NUB1: variants seen among roughly 807,000 people sequenced by gnomAD.
The protein encoded by NUB1 is negative regulator of ubiquitin like proteins 1, also known as NEDD8 ultimate buster 1.
In NUB1, 41 loss-of-function variants were observed where a neutral mutation model predicts 77.1. The observed-to-expected ratio is 0.53, with a 90% CI of 0.41 to 0.69. The LOEUF is 0.69. NUB1 is among the 30% of genes least tolerant of loss of function. The pLI, the probability that NUB1 is intolerant of heterozygous loss-of-function variation, is 0.00. For synonymous variants in NUB1, 257 were observed against 281.0 expected, an observed-to-expected ratio of 0.91 and a Z score of 0.85; for missense variants, 643 against 743.8, an observed-to-expected ratio of 0.86 and a Z score of 1.58.
rs1032818681 is a variant in NUB1, at chr7:151,342,046, G to C, written c.-3+200G>C. ...GGCCGGGCTTCGGGACGCGCTGGCC[G>C]TTCGGGGCCCTTTGGTTTGCCCTGA... On this transcript the variant is annotated intron_variant, in intron 1 of 14. Transcript: ENST00000568733. The C allele has an allele frequency of 5.1e-6, 5 of 988,054 alleles. No homozygotes were observed. The Admixed American group carries it at 1.3e-4, about 26-fold the overall frequency. The allele number at this position is 988,054 out of a possible 1,614,324, so 61.2% of individuals were successfully genotyped here.
chr7:151,360,848 A>G (rs7798855), intron 8 of NUB1: 120,413 of 150,926 alleles, frequency 0.8, 48,163 homozygotes, highest in East Asian at 0.99. Context: ...TGTTGCCCAT[A>G]CTAGTCTCAA....
chr7:151,370,664 G>A (rs543546687), intron 11 of NUB1, among the ~76,000 whole-genome samples: 129 of 151,344 alleles, frequency 8.5e-4, no homozygotes, highest in African/African-American at 3.1e-3. Flanking sequence ...TTTAGCATTA[G>A]GTATATCTCC....
At chr7:151,357,105 C>T (rs571531495) in intron 7 of NUB1, among the ~76,000 whole-genome samples, 1 of 152,192 alleles carries the variant, frequency 6.6e-6, no homozygotes, top group African/African-American at 2.4e-5. Context: ...CAGCCTTAAC[C>T]TCCTGGGCTT....
intron 11 of NUB1, among the ~76,000 whole-genome samples, chr7:151,370,534 CTTTAA>C (rs747731158): frequency 6.6e-6 from 1 of 151,486 alleles, no homozygotes; most frequent in Admixed American, 6.6e-5. Context: ...TTATTTTTTC[CTTTAA>C]TTTTATTTTA....
rs951608965 is a variant in NUB1 at position 151,344,890 on chromosome 7, G to C, written c.-2-458G>C. Among the ~76,000 whole-genome samples the C allele has an allele frequency of 7.9e-5, 12 of 151,632 alleles. No individual in the cohort carries two copies. The East Asian group carries it at 1.8e-3, about 22-fold the overall frequency. On this transcript the variant is annotated intron_variant, in intron 1 of 14. Coordinates refer to ENST00000568733, the MANE Select transcript of NUB1 (RefSeq NM_001243351.2). ...TGGCGCATGCCTGTAATCCCAGTGA[G>C]TAGGGAGGCTGATGCAGGGGAATTG...
chr7:151,359,452 AAAAG>A (rs1468371147), intron 7 of NUB1, among the ~76,000 whole-genome samples: 1 of 145,958 alleles, frequency 6.9e-6, no homozygotes, highest in Non-Finnish European at 1.5e-5. Flanking sequence ...CAAAAAAAAA[AAAAG>A]AATAGAAAGT....
intron 8 of NUB1, among the ~76,000 whole-genome samples, chr7:151,366,307 A>G (rs1797679000): frequency 6.6e-6 from 1 of 152,022 alleles, no homozygotes; most frequent in Admixed American, 6.6e-5. Context: ...TTTTTCCCCC[A>G]GCTTGAATAT....
intron 11 of NUB1, among the ~76,000 whole-genome samples, chr7:151,369,541 G>A (rs1797864807): frequency 6.6e-6 from 1 of 152,172 alleles, no homozygotes; most frequent in South Asian, 2.1e-4. Flanking sequence ...ATTATATTAT[G>A]AAAGCACAGG....
intron 1 of NUB1, among the ~76,000 whole-genome samples, chr7:151,342,527 G>C (rs1584927859): frequency 6.6e-6 from 1 of 152,098 alleles, no homozygotes; most frequent in East Asian, 1.9e-4. Context: ...AATGAGTTTC[G>C]TCTTTTCTTA....
chr7:151,354,414 A>C (rs1264695380), intron 5 of NUB1, among the ~76,000 whole-genome samples: 6 of 152,016 alleles, frequency 3.9e-5, no homozygotes, highest in Non-Finnish European at 7.4e-5. Context: ...TTCTCAAAAG[A>C]AAAAAATCCA....
chr7:151,367,434 T>C (rs1306137871), intron 9 of NUB1, among the ~76,000 whole-genome samples: 2 of 152,178 alleles, frequency 1.3e-5, no homozygotes, highest in African/African-American at 4.8e-5. Flanking sequence ...ATTTGCAAGA[T>C]GTAAATGCAG....
At chr7:151,351,999 T>C (rs574196055) in intron 4 of NUB1, 14 of 430,236 alleles carry the variant, frequency 3.3e-5, no homozygotes, top group South Asian at 2.1e-4. Flanking sequence ...TCTCCTTGTA[T>C]GTTTTAAAAT....
At chr7:151,355,410 G>C (rs1563015886) in intron 5 of NUB1, among the ~76,000 whole-genome samples, 1 of 152,222 alleles carries the variant, frequency 6.6e-6, no homozygotes, top group Non-Finnish European at 1.5e-5. Flanking sequence ...AGCAAGGCCT[G>C]ATGTCTGTAA....
chr7:151,360,267 G>C lies in NUB1; in HGVS notation c.800+20G>C. 7.4e-7 allele frequency: 1 copy of C among 1,342,944 alleles called. No individual in the cohort carries two copies. Among genetic ancestry groups the C allele is most frequent in the Non-Finnish European group, 1.1e-6 (1 of 934,638 alleles). 83.2% of individuals were successfully genotyped at this position (1,342,944 alleles called of 1,614,324 possible). ...TTTCTGGTAGGCGCTTTTGTACTTG[G>C]TGAACACCAGCTTTAAGGAAGATGG... On this transcript the variant is annotated intron_variant, in intron 8 of 14. Transcript: ENST00000568733.
At chr7:151,353,712 T>C (rs1220907139) in intron 5 of NUB1, among the ~76,000 whole-genome samples, 1 of 152,200 alleles carries the variant, frequency 6.6e-6, no homozygotes, top group Non-Finnish European at 1.5e-5. Flanking sequence ...ATGAGTTGAC[T>C]TGGGGAGACC....
intron 11 of NUB1, chr7:151,369,219 G>T (rs1357550369): frequency 6.0e-6 from 1 of 166,728 alleles, no homozygotes; most frequent in African/African-American, 2.4e-5. Flanking sequence ...TGTTGGCCAG[G>T]CTGTTCTCAA....
chr7:151,372,615 G>A (rs551516736), intron 11 of NUB1, among the ~76,000 whole-genome samples: 1 of 152,354 alleles, frequency 6.6e-6, no homozygotes, highest in South Asian at 2.1e-4. Context: ...GGCATGTGTG[G>A]TTGGGGTGGT....
In NUB1 at chr7:151,342,527, GTCTTT is replaced by G. The variant is rs572400263; in HGVS notation, c.-3+686_-3+690del. On this transcript the variant is annotated intron_variant, in intron 1 of 14. Coordinates refer to ENST00000568733, the MANE Select transcript of NUB1 (RefSeq NM_001243351.2). ...CCACGGAGTGATATTAATGAGTTTC[GTCTTT>G]TCTTAGTTACAATGTGAAACATTGT... is the stretch of plus-strand genomic sequence containing the variant. 9.2e-5 allele frequency among the ~76,000 whole-genome samples: 14 copies of G among 152,216 alleles called. No homozygotes were observed. In the East Asian group the frequency reaches 2.3e-3, roughly 25 times the overall value.
At chr7:151,355,348 C>T (rs1269643756) in intron 5 of NUB1, among the ~76,000 whole-genome samples, 1 of 152,154 alleles carries the variant, frequency 6.6e-6, no homozygotes, top group Non-Finnish European at 1.5e-5. Context: ...CATATTTTTA[C>T]CAATTATGTG....
Sources: gnomAD v4.1 joint callset for allele counts (sites outside exome capture counted in the v4.1 genomes callset) on GRCh38, gnomAD v4.1.1 for gene constraint, MANE v1.5 for transcripts, NCBI Gene and HGNC (gene_info 2026-07-23, HGNC 2026-07-21) for gene names.